Variants in RCAN2 observed in about 807,000 individuals in gnomAD.
RCAN2 encodes the protein calcipressin-2.
A neutral mutation model predicts 23.6 loss-of-function variants in RCAN2; 9 were observed. That is an observed-to-expected ratio of 0.38 (90% CI 0.23 to 0.67). The LOEUF (loss-of-function observed/expected upper bound fraction) is 0.67. Among genes scored for constraint, RCAN2 ranks in the 30% least tolerant of loss-of-function variants. The pLI is 0.51. For synonymous variants in RCAN2, 109 were observed against 115.7 expected, an observed-to-expected ratio of 0.94 and a Z score of 0.37; for missense variants, 273 against 302.3, an observed-to-expected ratio of 0.90 and a Z score of 0.72.
intron 2 of RCAN2, among the ~76,000 whole-genome samples, chr6:46,266,695 C>T (rs1767341000): frequency 6.6e-6 from 1 of 152,192 alleles, no homozygotes; most frequent in South Asian, 2.1e-4. Context: ...TGATCTCACT[C>T]AATTGTAACT....
intron 2 of RCAN2, among the ~76,000 whole-genome samples, chr6:46,328,060 G>GT (rs1291067171): frequency 6.6e-6 from 1 of 152,172 alleles, no homozygotes; most frequent in African/African-American, 2.4e-5. Context: ...CACACTTTAT[G>GT]TTTAGGAAAG....
At position 46,360,252 on chromosome 6, in the gene RCAN2, G is replaced by A. The variant is rs886828717; in HGVS notation, c.225+96500C>T. On this transcript the variant is annotated intron_variant, in intron 2 of 4. Coordinates refer to ENST00000371374, the MANE Select transcript of RCAN2 (RefSeq NM_001251974.2). The stretch of plus-strand genomic sequence containing the variant: ...TGGGTTTAAAGAGAGCTTGATGTAG[G>A]CCGGGCGCTGTGGCTCAAGCCTGTA... Among the ~76,000 whole-genome samples the A allele has an allele frequency of 2.6e-5, 4 of 152,184 alleles. No individual in the cohort carries two copies. In the East Asian group the frequency reaches 7.7e-4, roughly 29 times the overall value.
intron 2 of RCAN2, among the ~76,000 whole-genome samples, chr6:46,432,465 G>A (rs952375229): frequency 3.9e-5 from 6 of 152,020 alleles, no homozygotes; most frequent in South Asian, 4.2e-4. Context: ...TGCTGGCCTC[G>A]GCTTCCCAAA....
chr6:46,482,014 T>C (rs1466963688), intron 1 of RCAN2, among the ~76,000 whole-genome samples: 1 of 152,066 alleles, frequency 6.6e-6, no homozygotes, highest in Non-Finnish European at 1.5e-5. Context: ...TTTTGATACT[T>C]TGGAAAATCA....
At chr6:46,233,506 G>A (rs1003425841) in intron 4 of RCAN2, among the ~76,000 whole-genome samples, 1 of 152,148 alleles carries the variant, frequency 6.6e-6, no homozygotes, top group African/African-American at 2.4e-5. Context: ...ATCCTCAAAT[G>A]AGGAATAGAA....
chr6:46,309,693 G>T (rs543138540), intron 2 of RCAN2, among the ~76,000 whole-genome samples: 11 of 152,302 alleles, frequency 7.2e-5, no homozygotes, highest in Admixed American at 4.6e-4. Flanking sequence ...CTTGCTCTAT[G>T]AAAAGGACAG....
chr6:46,484,234 A>C (rs1321235990), intron 1 of RCAN2, among the ~76,000 whole-genome samples: 1 of 152,228 alleles, frequency 6.6e-6, no homozygotes, highest in East Asian at 1.9e-4. Context: ...ATGGTAGCCT[A>C]ATAGTAAATG....
chr6:46,401,669 C>A (rs1766251931), intron 2 of RCAN2, among the ~76,000 whole-genome samples: 1 of 152,142 alleles, frequency 6.6e-6, no homozygotes, highest in African/African-American at 2.4e-5. Flanking sequence ...AATTTAATGT[C>A]TATCCTAACT....
At chr6:46,255,295 T>C (rs1038000133) in intron 2 of RCAN2, among the ~76,000 whole-genome samples, 1 of 151,814 alleles carries the variant, frequency 6.6e-6, no homozygotes, top group Non-Finnish European at 1.5e-5. Context: ...AGAAGAAACA[T>C]GAAGGAATAA....
At chr6:46,301,814 G>A (rs919395919) in intron 2 of RCAN2, among the ~76,000 whole-genome samples, 12 of 151,934 alleles carry the variant, frequency 7.9e-5, no homozygotes, top group African/African-American at 1.2e-4. Flanking sequence ...AGTGTGTCCC[G>A]AAGAATAACG....
At chr6:46,415,670 C>T (rs1726419098) in intron 2 of RCAN2, among the ~76,000 whole-genome samples, 1 of 151,982 alleles carries the variant, frequency 6.6e-6, no homozygotes, top group Non-Finnish European at 1.5e-5. Flanking sequence ...GAACTAGTAC[C>T]TAGCACATAG....
intron 2 of RCAN2, among the ~76,000 whole-genome samples, chr6:46,378,816 A>G (rs917508914): frequency 9.8e-5 from 15 of 152,344 alleles, no homozygotes; most frequent in African/African-American, 3.6e-4. Flanking sequence ...CTTTAGAACA[A>G]TGTTGGCATA....
chr6:46,296,527 T>C (rs1461309705), intron 2 of RCAN2, among the ~76,000 whole-genome samples: 1 of 152,142 alleles, frequency 6.6e-6, no homozygotes, highest in Non-Finnish European at 1.5e-5. Flanking sequence ...ATTTACATAA[T>C]ATATAATTCT....
Position 46,267,536 on chromosome 6 carries a change from C to T in RCAN2, c.226-18640G>A, listed in dbSNP as rs145053305. ...TCTCTGCAAAACAAACAAACGAAAA[C>T]GAGGTGGGCATAGTGGCATGCACTG... On this transcript the variant is annotated intron_variant, in intron 2 of 4. Coordinates refer to ENST00000371374, the MANE Select transcript of RCAN2 (RefSeq NM_001251974.2). Among the ~76,000 whole-genome samples, 1,175 of 152,102 alleles carry T rather than the reference C, an allele frequency of 7.7e-3. 7 individuals carry two copies. The highest frequency in any genetic ancestry group is 0.01 in the Middle Eastern group (3 of 294).
intron 2 of RCAN2, among the ~76,000 whole-genome samples, chr6:46,371,452 C>G (rs1347737975): frequency 6.6e-6 from 1 of 152,206 alleles, no homozygotes; most frequent in Non-Finnish European, 1.5e-5. Context: ...CAGCTCTATT[C>G]ATAGCCATTT....
chr6:46,301,578 T>C (rs759738367), intron 2 of RCAN2, among the ~76,000 whole-genome samples: 17 of 152,146 alleles, frequency 1.1e-4, no homozygotes, highest in Non-Finnish European at 2.1e-4. Context: ...GCTTGTTCCT[T>C]GTAGGCTTAC....
intron 2 of RCAN2, among the ~76,000 whole-genome samples, chr6:46,424,105 T>C (rs556234679): frequency 1.3e-5 from 2 of 152,274 alleles, no homozygotes; most frequent in South Asian, 2.1e-4. Context: ...TACAAGGAAG[T>C]TTCATGAGCC....
intron 2 of RCAN2, among the ~76,000 whole-genome samples, chr6:46,425,603 C>CT (rs1449245893): frequency 1.3e-5 from 2 of 152,048 alleles, no homozygotes; most frequent in Non-Finnish European, 2.9e-5. Context: ...CTGATGTCTT[C>CT]TTGCTCATTT....
chr6:46,341,415 TA>T (rs922426790), intron 2 of RCAN2, among the ~76,000 whole-genome samples: 1 of 151,982 alleles, frequency 6.6e-6, no homozygotes, highest in East Asian at 1.9e-4. Context: ...ATAAAAATCA[TA>T]AAAAAATCAT....
Sources: gnomAD v4.1 joint callset for allele counts (sites outside exome capture counted in the v4.1 genomes callset) on GRCh38, gnomAD v4.1.1 for gene constraint, MANE v1.5 for transcripts, NCBI Gene and HGNC (gene_info 2026-07-23, HGNC 2026-07-21) for gene names.